The following FRS2 variants were observed in gnomAD, a reference collection of about 807,000 sequenced individuals.
FRS2 encodes the protein FGFR signalling adaptor.
A neutral mutation model predicts 43.9 loss-of-function variants in FRS2; 8 were observed. The observed-to-expected ratio is 0.18, with a 90% CI of 0.11 to 0.33. The LOEUF (loss-of-function observed/expected upper bound fraction) is 0.33, where lower values mean the gene tolerates loss of function less well. Among genes scored for constraint, FRS2 ranks in the 10% least tolerant of loss-of-function variants. FRS2 has a pLI of 1.00. For missense variants in FRS2, 534 were observed against 627.6 expected (o/e 0.85, Z 1.59); for synonymous variants, 219 against 220.3 (o/e 0.99, Z 0.05).
rs559090102 is a variant in FRS2, at chr12:69,545,630, G to A, written c.-122+13574G>A. ...AGATTAGCTGGGTGTGGTGGCAGAC[G>A]CCTGTAATCTCAGCTATTCGAGAGG... On this transcript the variant is annotated intron_variant, in intron 3 of 8. Coordinates refer to ENST00000549921, the MANE Select transcript of FRS2 (RefSeq NM_001278356.2). Among the ~76,000 whole-genome samples, 236 of 151,996 alleles carry A rather than the reference G, an allele frequency of 1.6e-3. 2 individuals are homozygous for A. Among genetic ancestry groups the A allele is most frequent in the African/African-American group, 5.3e-3 (220 of 41,456 alleles).
intron 1 of FRS2, among the ~76,000 whole-genome samples, chr12:69,505,124 G>T (rs1873807836): frequency 6.6e-6 from 1 of 152,188 alleles, no homozygotes; most frequent in African/African-American, 2.4e-5. Flanking sequence ...CTCCCAAAGT[G>T]CTGGGATAAC....
At chr12:69,573,781 C>T (rs987867417) in intron 8 of FRS2, among the ~76,000 whole-genome samples, 3 of 152,150 alleles carry the variant, frequency 2.0e-5, no homozygotes, top group Admixed American at 1.3e-4. Context: ...ATTTTGAAGT[C>T]GTTATTCTTT....
intron 3 of FRS2, among the ~76,000 whole-genome samples, chr12:69,558,085 A>G (rs1879582553): frequency 6.6e-6 from 1 of 152,140 alleles, no homozygotes; most frequent in Non-Finnish European, 1.5e-5. Flanking sequence ...ATTAAAAGGG[A>G]CTTTGTCAGA....
At chr12:69,562,453 A>C (rs991413676) in intron 4 of FRS2, among the ~76,000 whole-genome samples, 179 bp downstream of exon 4, 4 of 151,624 alleles carry the variant, frequency 2.6e-5, no homozygotes, top group Admixed American at 2.0e-4. Context: ...GTGAGCCACC[A>C]CTCCTGGCCT....
chr12:69,533,354 G>GT (rs113350661), intron 3 of FRS2, among the ~76,000 whole-genome samples: 51,983 of 147,610 alleles, frequency 0.35, 9,134 homozygotes, highest in South Asian at 0.57. Context: ...AGTTGTCTAG[G>GT]TTTTTTTTTT....
chr12:69,549,368 G>T (rs1593034622), intron 3 of FRS2, among the ~76,000 whole-genome samples: 1 of 151,996 alleles, frequency 6.6e-6, no homozygotes, highest in African/African-American at 2.4e-5. Flanking sequence ...CTGTTTTGTT[G>T]TGTCTTTTTG....
intron 3 of FRS2, among the ~76,000 whole-genome samples, chr12:69,544,447 T>G (rs1878188701): frequency 6.6e-6 from 1 of 152,208 alleles, no homozygotes; most frequent in African/African-American, 2.4e-5. Context: ...GGTTCATGTC[T>G]GTAATTTTAG....
At chr12:69,490,997 T>C (rs917710110) in intron 1 of FRS2, among the ~76,000 whole-genome samples, 6 of 152,268 alleles carry the variant, frequency 3.9e-5, no homozygotes, top group African/African-American at 1.4e-4. Context: ...AAGGGCTTAT[T>C]GTGAAAAGCA....
chr12:69,570,529 GT>G lies in FRS2; in HGVS notation c.253+20del, dbSNP rs201673710. The stretch of plus-strand genomic sequence containing the variant: ...TCAAACTGGACAAGGTAGAACCTTT[GT>G]TTTTTTTCCCAAATATTGTATTTGA... On this transcript the variant is annotated intron_variant, in intron 6 of 8. Coordinates refer to ENST00000549921, the MANE Select transcript of FRS2 (RefSeq NM_001278356.2). The G allele has an allele frequency of 2.0e-5, 30 of 1,522,050 alleles. No individual in the cohort carries two copies. The highest frequency in any genetic ancestry group is 2.5e-5 in the Non-Finnish European group (27 of 1,101,830). 94.3% of individuals were successfully genotyped at this position (1,522,050 alleles called of 1,614,324 possible). A position where few individuals can be genotyped will look rare whatever the true frequency, so the allele number is the denominator to read the frequency against.
rs574915230 is a variant in FRS2 at position 69,530,897 on chromosome 12, A to G, written c.-228A>G. On this transcript the variant is annotated 5_prime_UTR_variant, in exon 2 of 9. Transcript: ENST00000549921. ...CATTAAGAAGTAGATGCCCAGATGCAAAAGTGATGAAACAGTCCATTTGTC... is the reference window on the plus strand; with the variant it reads ...CATTAAGAAGTAGATGCCCAGATGCGAAAGTGATGAAACAGTCCATTTGTC... The G allele has an allele frequency of 1.3e-5, 2 of 152,792 alleles. No homozygotes were observed. Among genetic ancestry groups the G allele is most frequent in the Admixed American group, 1.3e-4 (2 of 15,304 alleles). 9.5% of individuals were successfully genotyped at this position (152,792 alleles called of 1,614,324 possible).
intron 3 of FRS2, among the ~76,000 whole-genome samples, chr12:69,560,361 C>T (rs1320506911): frequency 1.3e-5 from 2 of 152,050 alleles, no homozygotes; most frequent in Non-Finnish European, 2.9e-5. Flanking sequence ...GGAATGTAGG[C>T]ACAGAAAGGT....
intron 1 of FRS2, among the ~76,000 whole-genome samples, chr12:69,516,644 G>T (rs1444155303): frequency 6.6e-6 from 1 of 152,096 alleles, no homozygotes; most frequent in Admixed American, 6.5e-5. Flanking sequence ...TTTGTGTTCT[G>T]TTTAAATATT....
chr12:69,541,405 C>A (rs1877889162), intron 3 of FRS2, among the ~76,000 whole-genome samples: 1 of 151,986 alleles, frequency 6.6e-6, no homozygotes. Context: ...TGACACTGTA[C>A]CTTAGAATGT....
At position 69,572,223 on chromosome 12, in the gene FRS2, C is replaced by T. The variant is rs1474479108; in HGVS notation, c.518C>T (p.Ala173Val). The T allele has an allele frequency of 3.1e-6, 5 of 1,612,578 alleles. No homozygotes were observed. The highest frequency in any genetic ancestry group is 1.7e-5 in the Admixed American group (1 of 59,884). Residue 173 changes from alanine (A) to valine (V), a missense_variant, in exon 8 of 9, where the codon GCT becomes GTT. Ala to Val is a moderately conservative substitution (Grantham distance 64). This residue lies in a region of FRS2 where 446 missense variants were observed against 494.2 expected (regional missense o/e 0.90). Coordinates refer to ENST00000549921, the MANE Select transcript of FRS2 (RefSeq NM_001278356.2). ...AGCAGACATCCTTCTGTGGGAAGTG[C>T]TCGCCTGCCTTCAGTAGGGGAAGAA... ...PSSRHPSVGS[A>V]RLPSVGEEST...
intron 1 of FRS2, among the ~76,000 whole-genome samples, chr12:69,529,895 A>C (rs900837193): frequency 2.6e-5 from 4 of 151,934 alleles, no homozygotes; most frequent in African/African-American, 9.7e-5. Flanking sequence ...CCCTGTCTCT[A>C]CTAAAAATAC....
At chr12:69,492,459 T>C (rs1383124250) in intron 1 of FRS2, among the ~76,000 whole-genome samples, 1 of 152,104 alleles carries the variant, frequency 6.6e-6, no homozygotes, top group Non-Finnish European at 1.5e-5. Context: ...ATGGCTGTAA[T>C]TGTCAGGAAG....
chr12:69,507,973 G>A (rs958670938), intron 1 of FRS2, among the ~76,000 whole-genome samples: 1 of 136,248 alleles, frequency 7.3e-6, no homozygotes, highest in African/African-American at 2.8e-5. Flanking sequence ...GTGGTGAGCC[G>A]AGATCGCGCC....
At chr12:69,557,594 T>TTGTGTGTG (rs376896422) in intron 3 of FRS2, among the ~76,000 whole-genome samples, 1,892 of 137,052 alleles carry the variant, frequency 0.014, 32 homozygotes, top group African/African-American at 0.039. Flanking sequence ...TGAAGGTTGA[T>TTGTGTGTG]TGTGTGTGTG....
chr12:69,570,176 G>A (rs1880629762), intron 5 of FRS2, among the ~76,000 whole-genome samples, 155 bp from the exon 6 acceptor site: 1 of 152,210 alleles, frequency 6.6e-6, no homozygotes, highest in Non-Finnish European at 1.5e-5. Flanking sequence ...ATTTCTTACA[G>A]ATCTGAACTG....
Sources: gnomAD v4.1 joint callset for allele counts (sites outside exome capture counted in the v4.1 genomes callset) on GRCh38, gnomAD v4.1.1 for gene constraint, gnomAD v4.1.1 regional missense constraint, MANE v1.5 for transcripts, NCBI Gene and HGNC (gene_info 2026-07-23, HGNC 2026-07-21) for gene names.